The following RAB27A variants were observed in gnomAD, a reference collection of about 807,000 sequenced individuals.
RAB27A encodes RAB27A, member RAS oncogene family, also known as ras-related protein Rab-27A.
In RAB27A, 17 loss-of-function variants were observed where a neutral mutation model predicts 20.8. That is an observed-to-expected ratio of 0.82 (90% CI 0.56 to 1.23). RAB27A has a LOEUF of 1.23. Among genes scored for constraint, RAB27A ranks in the 50% most tolerant of loss-of-function variants. The pLI is 0.00. For synonymous variants in RAB27A, 85 were observed against 92.8 expected (o/e 0.92, Z 0.48); for missense variants, 277 against 266.7 (o/e 1.04, Z -0.27).
chr15:55,303,924 G>A (rs2054986631), intron 2 of RAB27A, among the ~76,000 whole-genome samples: 1 of 147,458 alleles, frequency 6.8e-6, no homozygotes, highest in Non-Finnish European at 1.5e-5. Flanking sequence ...GGGAAGTGAG[G>A]AGCCCCTCTG....
At chr15:55,317,337 T>A (rs1284737774) in intron 1 of RAB27A, 1 of 175,838 alleles carries the variant, frequency 5.7e-6, no homozygotes, top group African/African-American at 2.4e-5. Flanking sequence ...TTTTTTTAGA[T>A]GGAGTCTCGC....
At chr15:55,205,764 C>G in intron 6 of RAB27A, 59 bp from the exon 7 acceptor site, 1 of 1,419,096 alleles carries the variant, frequency 7.0e-7, no homozygotes, top group South Asian at 1.2e-5. Context: ...GTGACCTTTG[C>G]TCTTGATAAT....
intron 5 of RAB27A, 104 bp from the exon 6 acceptor site, chr15:55,224,116 G>A (rs779438237): frequency 1.4e-5 from 12 of 849,968 alleles, no homozygotes; most frequent in Middle Eastern, 3.2e-4. Flanking sequence ...TGTATATATA[G>A]ATATTGGGAA....
chr15:55,314,550 G>C (rs1307446771), intron 1 of RAB27A, among the ~76,000 whole-genome samples: 1 of 152,192 alleles, frequency 6.6e-6, no homozygotes. Context: ...TCCTTAAGCT[G>C]ATAAGCAACT....
intron 3 of RAB27A, among the ~76,000 whole-genome samples, chr15:55,233,047 C>T (rs966233527): frequency 6.6e-6 from 1 of 152,072 alleles, no homozygotes; most frequent in Non-Finnish European, 1.5e-5. Context: ...ATCACTTGAA[C>T]CTGGGAGACA....
At chr15:55,316,234 CAAAAAAAAAAA>C (rs1186678422) in intron 1 of RAB27A, among the ~76,000 whole-genome samples, 1 of 53,928 alleles carries the variant, frequency 1.9e-5, no homozygotes, top group African/African-American at 6.2e-5. Flanking sequence ...GACTCCGTCT[CAAAAAAAAAAA>C]AAAAAAAAGA....
At chr15:55,250,860 T>C (rs893047458) in intron 2 of RAB27A, among the ~76,000 whole-genome samples, 2 of 152,334 alleles carry the variant, frequency 1.3e-5, no homozygotes, top group South Asian at 4.1e-4. Flanking sequence ...TTGCAAACTT[T>C]CTTTAGCAAT....
At chr15:55,318,719 C>CAA (rs1479888955) in intron 1 of RAB27A, 1 of 103,872 alleles carries the variant, frequency 9.6e-6, no homozygotes, top group African/African-American at 6.7e-5. Context: ...AAAACAAAAA[C>CAA]AAAAACAAAA....
At chr15:55,217,705 A>T (rs1895376398) in intron 6 of RAB27A, among the ~76,000 whole-genome samples, 1 of 139,368 alleles carries the variant, frequency 7.2e-6, no homozygotes, top group African/African-American at 2.6e-5. Context: ...ATTCAAGAGG[A>T]TGTATTGTTC....
intron 3 of RAB27A, among the ~76,000 whole-genome samples, chr15:55,234,510 C>T (rs1170753286): frequency 6.6e-6 from 1 of 152,136 alleles, no homozygotes; most frequent in Non-Finnish European, 1.5e-5. Flanking sequence ...AAATAACTTT[C>T]GGAGTTCAGA....
At chr15:55,228,199 A>G (rs1298781687) in intron 5 of RAB27A, among the ~76,000 whole-genome samples, 1 of 152,216 alleles carries the variant, frequency 6.6e-6, no homozygotes, top group African/African-American at 2.4e-5. Context: ...TTTAAAAGCT[A>G]TCTGCATCTA....
chr15:55,294,588 CGAA>C (rs1377181520), upstream of RAB27A, among the ~76,000 whole-genome samples: 22 of 72,380 alleles, frequency 3.0e-4, no homozygotes, highest in African/African-American at 1.2e-3. Context: ...ACCCTGTCTC[CGAA>C]AAAAAAAAAA....
At chr15:55,227,475 C>A (rs1895856349) in intron 5 of RAB27A, among the ~76,000 whole-genome samples, 1 of 152,046 alleles carries the variant, frequency 6.6e-6, no homozygotes, top group African/African-American at 2.4e-5. Flanking sequence ...CGAAGTGAAG[C>A]CCCAGTAAGC....
In RAB27A at chr15:55,205,569, T is replaced by C. The variant is rs758375931; in HGVS notation, c.604A>G (p.Asn202Asp). Residue 202 changes from asparagine (N) to aspartate (D), a missense_variant, in exon 7 of 7, where the codon AAT (asparagine) becomes GAT (aspartate). Transcript: ENST00000336787. ...AACTGATCCGTAGAGGCATGACCAT[T>C]TGATCGCACCACTCCTTCAGGAATC... is the stretch of plus-strand genomic sequence containing the variant. ...SWIPEGVVRS[N>D]GHASTDQLSE... 8 of 1,614,170 alleles carry C rather than the reference T, an allele frequency of 5.0e-6. No individual in the cohort carries two copies. Among genetic ancestry groups the C allele is most frequent in the Non-Finnish European group, 6.8e-6 (8 of 1,179,992 alleles).
At chr15:55,288,051 T>C (rs1898203349) in intron 1 of RAB27A, among the ~76,000 whole-genome samples, 1 of 152,130 alleles carries the variant, frequency 6.6e-6, no homozygotes, top group Non-Finnish European at 1.5e-5. Context: ...ATGCAAAAAG[T>C]TGAAGTCAGA....
At chr15:55,236,684 T>G (rs1338658939) in intron 2 of RAB27A, among the ~76,000 whole-genome samples, 1 of 152,188 alleles carries the variant, frequency 6.6e-6, no homozygotes, top group Non-Finnish European at 1.5e-5. Context: ...ATGGGATCTC[T>G]CTCCAGGGGA....
At chr15:55,303,979 A>G (rs1566940842) in intron 2 of RAB27A, among the ~76,000 whole-genome samples, 1 of 149,366 alleles carries the variant, frequency 6.7e-6, no homozygotes, top group Non-Finnish European at 1.5e-5. Flanking sequence ...CAGCTCATTG[A>G]GAACAGGCCA....
At chr15:55,229,096 T>C (rs1004764359) in intron 4 of RAB27A, among the ~76,000 whole-genome samples, 1 of 152,222 alleles carries the variant, frequency 6.6e-6, no homozygotes, top group Admixed American at 6.5e-5. Context: ...CTCTTATCTC[T>C]GATAGCCATT....
intron 1 of RAB27A, among the ~76,000 whole-genome samples, chr15:55,274,737 C>G (rs1444774412): frequency 7.0e-6 from 1 of 142,126 alleles, no homozygotes; most frequent in Non-Finnish European, 1.5e-5. Context: ...GAGATTGCAC[C>G]ACTGCACTCC....
Sources: gnomAD v4.1 joint callset for allele counts (sites outside exome capture counted in the v4.1 genomes callset) on GRCh38, gnomAD v4.1.1 for gene constraint, MANE v1.5 for transcripts, NCBI Gene and HGNC (gene_info 2026-07-23, HGNC 2026-07-21) for gene names.